The following PTGES3 variants were observed in gnomAD, a reference collection of about 807,000 sequenced individuals.
PTGES3 encodes the protein prostaglandin E synthase 3.
A neutral mutation model predicts 29.9 loss-of-function variants in PTGES3; 5 were observed. That is an observed-to-expected ratio of 0.17 (90% confidence interval 0.09 to 0.35). PTGES3 has a LOEUF of 0.35. PTGES3 is among the 10% of genes least tolerant of loss of function. The probability of loss-of-function intolerance (pLI) is 1.00; values close to 1 mark genes in which losing one functional copy is unlikely to be tolerated. For synonymous variants in PTGES3, 49 were observed against 57.8 expected (o/e 0.85, Z 0.69); for missense variants, 128 against 190.0 (o/e 0.67, Z 1.92).
intron 1 of PTGES3, among the ~76,000 whole-genome samples, chr12:56,677,775 T>C (rs894795497): frequency 1.3e-5 from 2 of 152,234 alleles, no homozygotes. Context: ...TACAATCTCA[T>C]ATTGAAACTG....
At chr12:56,685,325 C>T (rs1005092466) in intron 1 of PTGES3, among the ~76,000 whole-genome samples, 13 of 151,850 alleles carry the variant, frequency 8.6e-5, no homozygotes, top group Non-Finnish European at 1.8e-4. Flanking sequence ...CTCTTCAAAA[C>T]ACTTGTTTCC....
At chr12:56,681,717 C>T (rs1386956929) in intron 1 of PTGES3, among the ~76,000 whole-genome samples, 6 of 150,160 alleles carry the variant, frequency 4.0e-5, no homozygotes, top group Admixed American at 6.7e-5. Flanking sequence ...TAGCCAGGTA[C>T]GGTGGCATGC....
chr12:56,671,430 A>G (rs1312433870), intron 4 of PTGES3, among the ~76,000 whole-genome samples: 6 of 152,184 alleles, frequency 3.9e-5, no homozygotes, highest in African/African-American at 1.4e-4. Context: ...ATTGTTAAAC[A>G]TACCTTTTGA....
intron 1 of PTGES3, among the ~76,000 whole-genome samples, chr12:56,678,897 A>C (rs1398140768): frequency 1.3e-5 from 2 of 152,154 alleles, no homozygotes; most frequent in Non-Finnish European, 2.9e-5. Context: ...TGAGAGTATC[A>C]TTTTGGGCCA....
In PTGES3 at chr12:56,670,384, T is replaced by C. The variant is rs1045664690; in HGVS notation, c.286-20A>G. ...ATTAAGCTATAAATCAATACAAATA[T>C]CACCCTAAGATTAGGCTAATTTGCA... On this transcript the variant is annotated intron_variant, in intron 4 of 7. Coordinates refer to ENST00000262033, the MANE Select transcript of PTGES3 (RefSeq NM_006601.7). The C allele has an allele frequency of 6.5e-7, 1 of 1,547,318 alleles. No individual in the cohort carries two copies. The highest frequency in any genetic ancestry group is 1.7e-4 in the Middle Eastern group (1 of 5,948).
intron 5 of PTGES3, among the ~76,000 whole-genome samples, chr12:56,669,969 TA>T (rs5798391): frequency 0.045 from 6,017 of 133,428 alleles, 381 homozygotes; most frequent in African/African-American, 0.15. Flanking sequence ...AATCATGCTT[TA>T]AAAAAAAAAA....
intron 1 of PTGES3, among the ~76,000 whole-genome samples, chr12:56,678,650 G>T (rs1565871917): frequency 6.6e-6 from 1 of 152,186 alleles, no homozygotes; most frequent in African/African-American, 2.4e-5. Context: ...TAACTCACCA[G>T]ATACTAACAT....
At chr12:56,676,919 T>TAAA (rs1952277354) in intron 1 of PTGES3, among the ~76,000 whole-genome samples, 6 of 5,224 alleles carry the variant, frequency 1.1e-3, no homozygotes, top group Admixed American at 3.4e-3. Context: ...AGATTCCGAC[T>TAAA]CAAAAAAAAA....
At chr12:56,681,880 A>G (rs1952559961) in intron 1 of PTGES3, among the ~76,000 whole-genome samples, 1 of 151,860 alleles carries the variant, frequency 6.6e-6, no homozygotes, top group Non-Finnish European at 1.5e-5. Flanking sequence ...CTCACTCTGT[A>G]ACCCAGGCTG....
intron 1 of PTGES3, among the ~76,000 whole-genome samples, chr12:56,678,136 C>A (rs1952353951): frequency 1.3e-5 from 2 of 152,066 alleles, no homozygotes; most frequent in Non-Finnish European, 2.9e-5. Flanking sequence ...CATAGCAGAA[C>A]TTTGATGTCT....
chr12:56,665,345 C>T (rs1951745232), intron 6 of PTGES3: 1 of 950,880 alleles, frequency 1.1e-6, no homozygotes, highest in South Asian at 4.9e-5. Flanking sequence ...ACCCAGGCTA[C>T]AGTGCAGTGG....
intron 1 of PTGES3, among the ~76,000 whole-genome samples, chr12:56,686,411 T>C (rs1952856730): frequency 6.6e-6 from 1 of 152,128 alleles, no homozygotes; most frequent in Non-Finnish European, 1.5e-5. Context: ...TTCACTCTTG[T>C]TGCCCAGGCT....
At chr12:56,686,826 T>A (rs1952885921) in intron 1 of PTGES3, 1 of 398,196 alleles carries the variant, frequency 2.5e-6, no homozygotes, top group African/African-American at 2.1e-5. Context: ...GCCAATATAC[T>A]CAGCCTCAGT....
At chr12:56,676,905 A>T (rs1432438018) in intron 1 of PTGES3, among the ~76,000 whole-genome samples, 1 of 115,470 alleles carries the variant, frequency 8.7e-6, no homozygotes, top group Non-Finnish European at 1.6e-5. Context: ...TGGGTGAGAG[A>T]GTGAGATTCC....
At chr12:56,665,035 A>G (rs1020662913) in intron 6 of PTGES3, 1 of 985,448 alleles carries the variant, frequency 1.0e-6, no homozygotes. Flanking sequence ...GTGACAATTT[A>G]GCCCACCCGT....
At chr12:56,687,917 C>A (rs1216042541) in intron 1 of PTGES3, 81 bp downstream of exon 1, 2 of 1,602,436 alleles carry the variant, frequency 1.2e-6, no homozygotes, top group East Asian at 2.3e-5. Flanking sequence ...GCGAGAAAGG[C>A]TAGGGGGCCG....
intron 1 of PTGES3, among the ~76,000 whole-genome samples, chr12:56,676,792 G>A (rs937880919): frequency 2.6e-4 from 40 of 151,670 alleles, no homozygotes; most frequent in Admixed American, 1.9e-3. Flanking sequence ...GCATGGTGGC[G>A]CGCTCCTATA....
At chr12:56,686,767 T>C (rs1952883236) in intron 1 of PTGES3, 1 of 397,704 alleles carries the variant, frequency 2.5e-6, no homozygotes, top group South Asian at 1.3e-4. Context: ...TAGAAGCTTG[T>C]TCCCAGTGAT....
In PTGES3 at chr12:56,665,698, A is replaced by G. The variant is rs957214860; in HGVS notation, c.438+506T>C. Reference sequence around the variant, plus strand: ...GCTCTGCTGCCCACACTGGAGTGCAATGGTGTGATCTTGGCTCACTGCAAC... The same window carrying G: ...GCTCTGCTGCCCACACTGGAGTGCAGTGGTGTGATCTTGGCTCACTGCAAC... On this transcript the variant is annotated intron_variant, in intron 6 of 7. Coordinates refer to ENST00000262033, the MANE Select transcript of PTGES3 (RefSeq NM_006601.7). 5 of 943,928 alleles carry G rather than the reference A, an allele frequency of 5.3e-6. No homozygotes were observed. The African/African-American group carries it at 8.9e-5, about 17-fold the overall frequency. 58.5% of individuals were successfully genotyped at this position (943,928 alleles called of 1,614,324 possible).
Sources: gnomAD v4.1 joint callset for allele counts (sites outside exome capture counted in the v4.1 genomes callset) on GRCh38, gnomAD v4.1.1 for gene constraint, MANE v1.5 for transcripts, NCBI Gene and HGNC (gene_info 2026-07-23, HGNC 2026-07-21) for gene names.